The following RBM19 variants were observed in gnomAD, a reference collection of about 807,000 sequenced individuals.
The protein encoded by RBM19 is probable RNA-binding protein 19.
In RBM19, 94 loss-of-function variants were observed where a neutral mutation model predicts 116.8. The observed-to-expected ratio is 0.80, with a 90% confidence interval of 0.68 to 0.95. The LOEUF is 0.95. Ranked by LOEUF, RBM19 falls within the 40% of genes least tolerant of loss-of-function variation. RBM19 has a pLI of 0.00. For synonymous variants in RBM19, 475 were observed against 494.1 expected (o/e 0.96, Z 0.51); for missense variants, 1,161 against 1,220.7 (o/e 0.95, Z 0.73).
intron 22 of RBM19, among the ~76,000 whole-genome samples, chr12:113,853,339 C>A (rs915321312): frequency 6.6e-6 from 1 of 152,218 alleles, no homozygotes; most frequent in South Asian, 2.1e-4. Context: ...CTGGCTCCCC[C>A]CAAGTGTTTA....
chr12:113,827,736 AGG>A (rs1376780207), intron 23 of RBM19, among the ~76,000 whole-genome samples: 1 of 151,906 alleles, frequency 6.6e-6, no homozygotes, highest in Non-Finnish European at 1.5e-5. Context: ...CTGAGTGGAG[AGG>A]CCTGAGGTAC....
chr12:113,923,565 A>G (rs1303867601), intron 18 of RBM19, among the ~76,000 whole-genome samples: 1 of 152,182 alleles, frequency 6.6e-6, no homozygotes, highest in Non-Finnish European at 1.5e-5. Flanking sequence ...GTGTGGCATA[A>G]AAGCCACTTC....
intron 16 of RBM19, among the ~76,000 whole-genome samples, chr12:113,933,264 T>C (rs1869766180): frequency 6.7e-6 from 1 of 149,864 alleles, no homozygotes; most frequent in African/African-American, 2.5e-5. Context: ...CTTTGTGGGC[T>C]GGCTGAGTCC....
intron 7 of RBM19, among the ~76,000 whole-genome samples, chr12:113,954,350 A>T (rs116286621): frequency 1.4e-3 from 207 of 152,232 alleles, no homozygotes; most frequent in African/African-American, 4.2e-3. Flanking sequence ...ACAAAACAAA[A>T]ACCATCTAAG....
chr12:113,928,065 G>A (rs761527758), intron 16 of RBM19, among the ~76,000 whole-genome samples: 2 of 152,138 alleles, frequency 1.3e-5, no homozygotes, highest in African/African-American at 2.4e-5. Context: ...AGCTAGGTGC[G>A]GTGGCTCATG....
chr12:113,943,512 G>A (rs1392937927), intron 13 of RBM19, among the ~76,000 whole-genome samples: 2 of 151,786 alleles, frequency 1.3e-5, no homozygotes, highest in African/African-American at 4.9e-5. Flanking sequence ...TTTTAACATT[G>A]TGCATATGTT....
intron 1 of RBM19, among the ~76,000 whole-genome samples, chr12:113,964,756 C>T (rs1872736622): frequency 1.3e-5 from 2 of 151,304 alleles, no homozygotes; most frequent in Non-Finnish European, 2.9e-5. Context: ...GGAAAGTACA[C>T]TCCTCAAATA....
chr12:113,853,261 T>C (rs149274852), intron 22 of RBM19, among the ~76,000 whole-genome samples: 1 of 152,368 alleles, frequency 6.6e-6, no homozygotes, highest in East Asian at 1.9e-4. Context: ...CAATGAAAGC[T>C]GTGGTTGTTT....
intron 16 of RBM19, among the ~76,000 whole-genome samples, chr12:113,934,848 G>A (rs61125092): frequency 0.16 from 24,132 of 151,952 alleles, 2,520 homozygotes; most frequent in African/African-American, 0.3. Flanking sequence ...AGAGCCTTGG[G>A]ACACAAAGAC....
rs541788263 is a variant in RBM19, at chr12:113,934,672, G to A, written c.2068+2335C>T. ...ACCATTCATGACACAATTCCAGGAA[G>A]TGATAAGCATTTGAAATAAAATAAA... On this transcript the variant is annotated intron_variant, in intron 16 of 23. Coordinates refer to ENST00000261741, the MANE Select transcript of RBM19 (RefSeq NM_016196.4). 6.6e-5 allele frequency among the ~76,000 whole-genome samples: 10 copies of A among 152,306 alleles called. No homozygotes were observed. The East Asian group carries it at 1.7e-3, about 26-fold the overall frequency.
At chr12:113,826,880 G>A (rs960078281) in intron 23 of RBM19, among the ~76,000 whole-genome samples, 26 of 152,228 alleles carry the variant, frequency 1.7e-4, no homozygotes, top group African/African-American at 5.8e-4. Context: ...TTGTGGCCTT[G>A]ATGAACCAAA....
intron 16 of RBM19, among the ~76,000 whole-genome samples, chr12:113,933,274 C>A (rs535230979): frequency 1.3e-5 from 2 of 151,662 alleles, no homozygotes; most frequent in South Asian, 4.2e-4. Context: ...TGGCTGAGTC[C>A]CCCCAGCCCT....
intron 22 of RBM19, among the ~76,000 whole-genome samples, chr12:113,845,777 T>TC (rs948587109): frequency 6.6e-6 from 1 of 152,138 alleles, no homozygotes; most frequent in African/African-American, 2.4e-5. Flanking sequence ...GATGGGCTCA[T>TC]CCCCAAACAC....
At chr12:113,955,318 G>T in intron 6 of RBM19, 107 bp from the exon 7 acceptor site, 1 of 1,042,016 alleles carries the variant, frequency 9.6e-7, no homozygotes, top group Non-Finnish European at 1.5e-6. Flanking sequence ...CCTGCCGCCA[G>T]GGGGAGCTGG....
chr12:113,867,995 T>C (rs960639386), intron 21 of RBM19, among the ~76,000 whole-genome samples: 5 of 152,096 alleles, frequency 3.3e-5, no homozygotes, highest in African/African-American at 1.2e-4. Context: ...GAAATGGACA[T>C]TCTAGTATTT....
At chr12:113,894,338 A>G (rs1398362217) in intron 21 of RBM19, among the ~76,000 whole-genome samples, 2 of 152,244 alleles carry the variant, frequency 1.3e-5, no homozygotes, top group South Asian at 2.1e-4. Flanking sequence ...GCAAGAGGCT[A>G]AGCCTTGTTA....
chr12:113,904,100 C>T (rs1439631635), intron 21 of RBM19, among the ~76,000 whole-genome samples: 2 of 152,208 alleles, frequency 1.3e-5, no homozygotes, highest in African/African-American at 2.4e-5. Flanking sequence ...TTTGTAGTCA[C>T]TGCCTGGTAC....
chr12:113,959,581 G>A (rs1389267032), intron 4 of RBM19, among the ~76,000 whole-genome samples, 177 bp from the exon 5 acceptor site: 2 of 152,178 alleles, frequency 1.3e-5, no homozygotes, highest in African/African-American at 2.4e-5. Flanking sequence ...TCTGAGGAAG[G>A]CAGAGTTGAC....
intron 19 of RBM19, among the ~76,000 whole-genome samples, chr12:113,919,985 C>G (rs183627049): frequency 6.6e-6 from 1 of 152,152 alleles, no homozygotes; most frequent in Non-Finnish European, 1.5e-5. Flanking sequence ...CCCTGCACAC[C>G]TCTCTCCTCA....
Sources: allele counts gnomAD v4.1 joint callset (sites outside exome capture counted in the v4.1 genomes callset), GRCh38; gene constraint gnomAD v4.1.1; transcripts MANE v1.5; gene names NCBI Gene and HGNC (gene_info 2026-07-23, HGNC 2026-07-21).